The following MDFIC2 variants were observed in gnomAD, a reference collection of about 807,000 sequenced individuals.
The protein encoded by MDFIC2 is MyoD family inhibitor domain containing 2.
chr3:70,248,750 C>G (rs548538394), intron 2 of MDFIC2, among the ~76,000 whole-genome samples: 2 of 152,118 alleles, frequency 1.3e-5, no homozygotes, highest in East Asian at 3.9e-4. Context: ...CTCAACAGCT[C>G]AACATATTGG....
intron 2 of MDFIC2, among the ~76,000 whole-genome samples, chr3:70,280,244 G>C (rs1209828025): frequency 6.6e-6 from 1 of 152,062 alleles, no homozygotes. Context: ...CCCTTAAAAA[G>C]ATGTTTGTGA....
At chr3:70,284,288 T>C (rs1477486982) in intron 2 of MDFIC2, among the ~76,000 whole-genome samples, 2 of 152,194 alleles carry the variant, frequency 1.3e-5, no homozygotes, top group Admixed American at 6.6e-5. Context: ...TTTATTTCTG[T>C]AAACTGCTCT....
At chr3:70,266,739 C>T (rs1246900904) in intron 2 of MDFIC2, among the ~76,000 whole-genome samples, 1 of 152,176 alleles carries the variant, frequency 6.6e-6, no homozygotes, top group Non-Finnish European at 1.5e-5. Flanking sequence ...AGCCACTGCA[C>T]CTGGCTTATA....
At chr3:70,267,050 G>A (rs1701922605) in intron 2 of MDFIC2, among the ~76,000 whole-genome samples, 1 of 152,170 alleles carries the variant, frequency 6.6e-6, no homozygotes, top group African/African-American at 2.4e-5. Context: ...TTCCTTCTGA[G>A]CAATGTCGTG....
At chr3:70,207,477 T>C (rs1701303699) in intron 2 of MDFIC2, among the ~76,000 whole-genome samples, 1 of 152,048 alleles carries the variant, frequency 6.6e-6, no homozygotes, top group Non-Finnish European at 1.5e-5. Context: ...AGTTCTTGAC[T>C]GAAATTCTGG....
At chr3:70,257,310 T>C (rs1306159838) in intron 2 of MDFIC2, among the ~76,000 whole-genome samples, 1 of 152,158 alleles carries the variant, frequency 6.6e-6, no homozygotes, top group Non-Finnish European at 1.5e-5. Context: ...GTAATGGAGA[T>C]ATTGGGGAAG....
intron 2 of MDFIC2, 38 bp from the exon 3 acceptor site, chr3:70,206,828 T>A: frequency 2.5e-6 from 1 of 397,138 alleles, no homozygotes; most frequent in Non-Finnish European, 4.4e-6. Flanking sequence ...AGAAACCCAC[T>A]ATGGTTTACG....
chr3:70,285,434 C>A (rs561796328), intron 2 of MDFIC2, among the ~76,000 whole-genome samples: 1 of 152,178 alleles, frequency 6.6e-6, no homozygotes, highest in East Asian at 1.9e-4. Flanking sequence ...ATATATGCCA[C>A]ATTTTCTTAA....
intron 2 of MDFIC2, among the ~76,000 whole-genome samples, chr3:70,261,685 G>C (rs1407143333): frequency 6.6e-6 from 1 of 152,104 alleles, no homozygotes. Flanking sequence ...GTTGAAAACA[G>C]AATGCCAAGT....
intron 2 of MDFIC2, among the ~76,000 whole-genome samples, chr3:70,257,103 G>A (rs1223564525): frequency 6.6e-6 from 1 of 152,190 alleles, no homozygotes; most frequent in African/African-American, 2.4e-5. Context: ...TTTATATACT[G>A]TTTAAAGCCA....
At chr3:70,298,751 C>T (rs1387286306) in intron 2 of MDFIC2, among the ~76,000 whole-genome samples, 1 of 152,062 alleles carries the variant, frequency 6.6e-6, no homozygotes, top group Admixed American at 6.6e-5. Flanking sequence ...AGATGAGGGG[C>T]TCTTGGTTAG....
intron 2 of MDFIC2, among the ~76,000 whole-genome samples, chr3:70,228,072 G>A (rs933649746): frequency 1.3e-5 from 2 of 151,744 alleles, no homozygotes; most frequent in Non-Finnish European, 2.9e-5. Context: ...ATATCAGATT[G>A]AATAGGTCAC....
chr3:70,312,019 C>T (rs1487458764), intron 1 of MDFIC2, 46 bp from the exon 2 acceptor site: 2 of 396,834 alleles, frequency 5.0e-6, no homozygotes, highest in Non-Finnish European at 8.9e-6. Context: ...ATTAAGAACC[C>T]AAATTTATAA....
intron 2 of MDFIC2, among the ~76,000 whole-genome samples, chr3:70,272,732 C>T (rs1701986582): frequency 6.6e-6 from 1 of 152,160 alleles, no homozygotes; most frequent in African/African-American, 2.4e-5. Context: ...CTGGAATGTA[C>T]AAACATTATT....
chr3:70,197,970 G>A (rs1256943504), intron 3 of MDFIC2, among the ~76,000 whole-genome samples: 2 of 152,180 alleles, frequency 1.3e-5, no homozygotes, highest in African/African-American at 2.4e-5. Flanking sequence ...TAGCCAAACA[G>A]CTGTGATGGG....
intron 2 of MDFIC2, among the ~76,000 whole-genome samples, chr3:70,256,397 G>A (rs925170056): frequency 6.6e-5 from 10 of 152,124 alleles, no homozygotes; most frequent in African/African-American, 2.2e-4. Context: ...CCTTTAAAAT[G>A]CCATGCTGAC....
chr3:70,288,048 C>G (rs1338886185), intron 2 of MDFIC2, among the ~76,000 whole-genome samples: 2 of 150,734 alleles, frequency 1.3e-5, no homozygotes, highest in Non-Finnish European at 3.0e-5. Flanking sequence ...TTTTTTGTGT[C>G]TCTATTTCCT....
chr3:70,312,476 T>C (rs1253202984), intron 1 of MDFIC2, 75 bp downstream of exon 1: 1 of 152,336 alleles, frequency 6.6e-6, no homozygotes, highest in South Asian at 2.1e-4. Flanking sequence ...ATTACGAACC[T>C]TCGGTGCAGT....
intron 2 of MDFIC2, among the ~76,000 whole-genome samples, chr3:70,250,179 G>T (rs1306090822): frequency 2.0e-5 from 3 of 152,084 alleles, no homozygotes; most frequent in Non-Finnish European, 1.5e-5. Flanking sequence ...GAAGGATTTG[G>T]AGTTTTTAAC....
Sources: allele counts gnomAD v4.1 joint callset (sites outside exome capture counted in the v4.1 genomes callset), GRCh38; gene constraint gnomAD v4.1.1; transcripts MANE v1.5; gene names NCBI Gene and HGNC (gene_info 2026-07-23, HGNC 2026-07-21).